The following NOMO2 variants were observed in gnomAD, a reference collection of about 807,000 sequenced individuals.
NOMO2 encodes the protein BOS complex subunit NOMO2.
In NOMO2, 14 loss-of-function variants were observed where a neutral mutation model predicts 67.1. The observed-to-expected ratio is 0.21, with a 90% CI of 0.14 to 0.33. The LOEUF (loss-of-function observed/expected upper bound fraction) is 0.33, where lower values mean the gene tolerates loss of function less well. Ranked by LOEUF, NOMO2 falls within the 10% of genes least tolerant of loss-of-function variation. The probability of loss-of-function intolerance (pLI) is 1.00; values close to 1 mark genes in which losing one functional copy is unlikely to be tolerated. For synonymous variants in NOMO2, 80 were observed against 305.9 expected (o/e 0.26, Z 7.71); for missense variants, 178 against 761.0 (o/e 0.23, Z 9.01).
chr16:18,553,697 TG>T (rs1376015520), intron 3 of NOMO2, among the ~76,000 whole-genome samples: 2 of 97,166 alleles, frequency 2.1e-5, no homozygotes, highest in African/African-American at 6.8e-5. Flanking sequence ...GGGGGTAGCG[TG>T]GGGGGTGGCA....
chr16:18,559,701 G>C (rs1271793610), intron 1 of NOMO2, among the ~76,000 whole-genome samples: 1 of 151,900 alleles, frequency 6.6e-6, no homozygotes, highest in South Asian at 2.1e-4. Flanking sequence ...AGCCTAGACC[G>C]GTTAGGGAGG....
chr16:18,554,139 A>G (rs542417279), intron 3 of NOMO2, among the ~76,000 whole-genome samples: 3 of 152,000 alleles, frequency 2.0e-5, no homozygotes, highest in African/African-American at 4.8e-5. Flanking sequence ...CTATGAGGAA[A>G]GTTTGGAGCT....
At chr16:18,556,908 T>C (rs1376686528) in intron 2 of NOMO2, among the ~76,000 whole-genome samples, 1 of 151,970 alleles carries the variant, frequency 6.6e-6, no homozygotes, top group African/African-American at 2.4e-5. Context: ...GGTGGTTCAC[T>C]TGAGGTCAGG....
chr16:18,544,438 T>G (rs1451651782), intron 6 of NOMO2, among the ~76,000 whole-genome samples: 1 of 152,184 alleles, frequency 6.6e-6, no homozygotes, highest in Non-Finnish European at 1.5e-5. Flanking sequence ...CCTTACATAT[T>G]TTAAGTTTGG....
At chr16:18,526,248 T>C (rs1596843201) in intron 16 of NOMO2, among the ~76,000 whole-genome samples, 1 of 152,186 alleles carries the variant, frequency 6.6e-6, no homozygotes. Flanking sequence ...AAGATGACTA[T>C]AATAAAACAG....
Position 18,531,547 on chromosome 16 carries a change from G to A in NOMO2, c.1456C>T (p.Leu486Phe), listed in dbSNP as rs368046747. ...GLTLKPQTFP[L>F]TVTDRPVMDV... ...ATCACGGGCCTGTCGGTCACAGTAA[G>A]AGGAAATGTCTGGGGTTTCAACGTC... is the stretch of plus-strand genomic sequence containing the variant. Residue 486 changes from leucine to phenylalanine, a missense_variant, in exon 13 of 31, where the codon CTT (leucine) becomes TTT (phenylalanine). Coordinates refer to ENST00000622306, the MANE Select transcript of NOMO2 (RefSeq NM_173614.4). The A allele has an allele frequency of 1.5e-4, 237 of 1,607,238 alleles. 4 individuals carry two copies. Among genetic ancestry groups the A allele is most frequent in the Non-Finnish European group, 1.9e-4 (229 of 1,177,600 alleles).
chr16:18,529,957 A>C (rs1480261597), intron 14 of NOMO2, among the ~76,000 whole-genome samples: 2 of 147,042 alleles, frequency 1.4e-5, no homozygotes, highest in Non-Finnish European at 3.0e-5. Context: ...CTCTACTAAA[A>C]ATACAAAAGT....
intron 11 of NOMO2, chr16:18,533,702 AG>A (rs1901357519): frequency 6.5e-6 from 1 of 154,030 alleles, no homozygotes; most frequent in Admixed American, 6.4e-5. Flanking sequence ...AGATTGGAAC[AG>A]AAAAGGTAAT....
rs1901244421 is a variant in NOMO2 at position 18,529,501 on chromosome 16, C to T, written c.1806G>A (p.Leu602=). 1 of 1,611,068 alleles carries T rather than the reference C, an allele frequency of 6.2e-7. No individual in the cohort carries two copies. Among genetic ancestry groups the T allele is most frequent in the South Asian group, 1.1e-5 (1 of 90,838 alleles). The part of the protein sequence containing the change: ...LRCSLSHAIT[L]EFYQDGNGRE... Reference sequence around the variant, plus strand: ...AAGAGACTCCATAAGCCGTACATACCAGAGTGATGGCGTGAGACAGGGAAC... The same window carrying T: ...AAGAGACTCCATAAGCCGTACATACTAGAGTGATGGCGTGAGACAGGGAAC... Residue 602 remains leucine, a splice_region_variant and synonymous_variant, in exon 15 of 31, where the codon CTG becomes CTA. Transcript: ENST00000622306.
intron 15 of NOMO2, among the ~76,000 whole-genome samples, chr16:18,528,894 G>A (rs1901215636): frequency 6.8e-6 from 1 of 146,562 alleles, no homozygotes; most frequent in East Asian, 2.0e-4. Flanking sequence ...CTTGAACTCG[G>A]GAGGCGGAGG....
intron 16 of NOMO2, among the ~76,000 whole-genome samples, chr16:18,525,774 T>TTGTCTGGCCAATAATACAGACAAG: frequency 6.6e-6 from 1 of 151,756 alleles, no homozygotes; most frequent in East Asian, 1.9e-4. Flanking sequence ...GACAAGTAGC[T>TTGTCTGGCCAATAATACAGACAAG]TACTGGAGGA....
At chr16:18,541,167 ACCTCCCTGAC>A (rs1453297172) in intron 9 of NOMO2, among the ~76,000 whole-genome samples, 2 of 130,642 alleles carry the variant, frequency 1.5e-5, no homozygotes, top group African/African-American at 5.1e-5. Flanking sequence ...CTGCCCTGTC[ACCTCCCTGAC>A]CCTCTTTCCG....
At chr16:18,530,116 T>TA (rs1901262535) in intron 14 of NOMO2, among the ~76,000 whole-genome samples, 1 of 97,708 alleles carries the variant, frequency 1.0e-5, no homozygotes, top group African/African-American at 3.7e-5. Context: ...AGGCTAAATT[T>TA]CAAAAAAAAA....
At chr16:18,537,463 GC>G (rs2141730214) in intron 11 of NOMO2, among the ~76,000 whole-genome samples, 1 of 146,058 alleles carries the variant, frequency 6.8e-6, no homozygotes, top group African/African-American at 2.5e-5. Flanking sequence ...ACCACTCATG[GC>G]CCGTTGGCCC....
chr16:18,559,409 T>C (rs1295689381), intron 1 of NOMO2, among the ~76,000 whole-genome samples: 2 of 151,690 alleles, frequency 1.3e-5, no homozygotes, highest in African/African-American at 2.4e-5. Context: ...TCTATGACCA[T>C]GAAACAAACC....
intron 11 of NOMO2, among the ~76,000 whole-genome samples, chr16:18,536,102 C>A (rs1437623868): frequency 6.6e-6 from 1 of 152,092 alleles, no homozygotes; most frequent in Admixed American, 6.6e-5. Flanking sequence ...GGCCAACCAA[C>A]AGACAACTCC....
chr16:18,539,617 T>C (rs1901502943), intron 9 of NOMO2, among the ~76,000 whole-genome samples: 1 of 151,760 alleles, frequency 6.6e-6, no homozygotes, highest in South Asian at 2.1e-4. Flanking sequence ...ATTAGCCAGG[T>C]GTGGTGGCAG....
At chr16:18,536,127 T>G in intron 11 of NOMO2, among the ~76,000 whole-genome samples, 1 of 152,076 alleles carries the variant, frequency 6.6e-6, no homozygotes, top group South Asian at 2.1e-4. Context: ...GGGTTTCCAC[T>G]GCATTAGGGA....
chr16:18,562,110 C>T (rs917566064), upstream of NOMO2: 16 of 1,339,218 alleles, frequency 1.2e-5, no homozygotes, highest in Admixed American at 3.9e-5. Context: ...ACGCCGCAGG[C>T]TCCTTCCTCC....
Sources: allele counts gnomAD v4.1 joint callset (sites outside exome capture counted in the v4.1 genomes callset), GRCh38; gene constraint gnomAD v4.1.1; transcripts MANE v1.5; gene names NCBI Gene and HGNC (gene_info 2026-07-23, HGNC 2026-07-21).